The following LSAMP variants were observed in gnomAD, a reference collection of about 807,000 sequenced individuals.
LSAMP encodes limbic system associated membrane protein, also known as limbic system-associated membrane protein.
LSAMP carries 7 observed loss-of-function variants against 38.6 expected under a neutral mutation model. The ratio of observed to expected loss-of-function variants is 0.18; its 90% CI spans 0.10 to 0.34. The LOEUF (loss-of-function observed/expected upper bound fraction) is 0.34, where lower values mean the gene tolerates loss of function less well. LSAMP is among the 10% of genes least tolerant of loss of function. LSAMP has a pLI of 1.00. For synonymous variants in LSAMP, 154 were observed against 166.8 expected (o/e 0.92, Z 0.59); for missense variants, 313 against 420.0 (o/e 0.75, Z 2.23).
intron 1 of LSAMP, among the ~76,000 whole-genome samples, chr3:116,281,640 A>G (rs982042296): frequency 5.3e-5 from 8 of 152,214 alleles, no homozygotes; most frequent in Non-Finnish European, 7.3e-5. Flanking sequence ...TGCTATTACT[A>G]TTATTACTTT....
chr3:115,917,418 T>C (rs112692566), intron 3 of LSAMP, among the ~76,000 whole-genome samples: 1,859 of 152,326 alleles, frequency 0.012, 36 homozygotes, highest in African/African-American at 0.041. Context: ...CTCTCAGTGA[T>C]TTCCTCTTTA....
chr3:115,823,250 G>A (rs1934304149), intron 6 of LSAMP, among the ~76,000 whole-genome samples: 1 of 152,230 alleles, frequency 6.6e-6, no homozygotes, highest in African/African-American at 2.4e-5. Flanking sequence ...TCCCTTGTGA[G>A]TCAATATTTG....
intron 1 of LSAMP, among the ~76,000 whole-genome samples, chr3:116,135,264 A>G (rs1382660883): frequency 2.6e-5 from 4 of 152,232 alleles, no homozygotes; most frequent in African/African-American, 9.6e-5. Flanking sequence ...CCTAGATACC[A>G]ACTAGAAGCA....
rs539568952 is a variant in LSAMP at position 115,858,182 on chromosome 3, C to T, written c.515-5565G>A. Among the ~76,000 whole-genome samples the T allele has an allele frequency of 5.3e-5, 8 of 150,160 alleles. No individual in the cohort carries two copies. The South Asian group carries it at 1.7e-3, about 32-fold the overall frequency. The stretch of plus-strand genomic sequence containing the variant: ...CTCTCTCTCACACACACACACCCCA[C>T]AAAAAGCTAGTTATTTACATATAAG... On this transcript the variant is annotated intron_variant, in intron 3 of 6. Coordinates refer to ENST00000490035, the MANE Select transcript of LSAMP (RefSeq NM_002338.5).
chr3:115,963,942 A>G (rs1441442971), intron 3 of LSAMP, among the ~76,000 whole-genome samples: 13 of 151,914 alleles, frequency 8.6e-5, no homozygotes. Context: ...TTGTAGAGAT[A>G]GAGTCTCCCT....
At chr3:115,817,101 G>C (rs990019475) in intron 6 of LSAMP, among the ~76,000 whole-genome samples, 1 of 152,090 alleles carries the variant, frequency 6.6e-6, no homozygotes, top group African/African-American at 2.4e-5. Flanking sequence ...CTTCACGCTT[G>C]CTTTTCATTT....
chr3:116,286,647 A>G (rs971600042), intron 1 of LSAMP, among the ~76,000 whole-genome samples: 3 of 151,990 alleles, frequency 2.0e-5, no homozygotes, highest in Admixed American at 6.6e-5. Flanking sequence ...CGGCTCATTT[A>G]CCTTGATTAG....
At chr3:115,894,392 C>A (rs1289021415) in intron 3 of LSAMP, among the ~76,000 whole-genome samples, 1 of 151,974 alleles carries the variant, frequency 6.6e-6, no homozygotes, top group Non-Finnish European at 1.5e-5. Flanking sequence ...CATGAACTGG[C>A]CCAAGACCCT....
chr3:116,357,377 A>T (rs1421920759), intron 1 of LSAMP, among the ~76,000 whole-genome samples: 2 of 152,210 alleles, frequency 1.3e-5, no homozygotes, highest in Non-Finnish European at 2.9e-5. Context: ...TTTGAGAAAT[A>T]GGAATCTTTT....
chr3:116,268,970 C>CTGTT (rs1396605581), intron 1 of LSAMP, among the ~76,000 whole-genome samples: 1 of 151,904 alleles, frequency 6.6e-6, no homozygotes, highest in Non-Finnish European at 1.5e-5. Flanking sequence ...CACACTGACC[C>CTGTT]TGTTAGTGAT....
intron 3 of LSAMP, among the ~76,000 whole-genome samples, chr3:115,998,034 C>T (rs904107827): frequency 6.6e-6 from 1 of 150,740 alleles, no homozygotes; most frequent in Non-Finnish European, 1.5e-5. Context: ...TCCTTGGCCT[C>T]AACCCACTAG....
intron 1 of LSAMP, among the ~76,000 whole-genome samples, chr3:116,134,246 C>T (rs997641033): frequency 2.0e-5 from 3 of 152,154 alleles, no homozygotes; most frequent in Non-Finnish European, 4.4e-5. Context: ...AAAATACACC[C>T]CATGCCCATT....
At chr3:116,233,330 G>T (rs772773995) in intron 1 of LSAMP, among the ~76,000 whole-genome samples, 1 of 144,892 alleles carries the variant, frequency 6.9e-6, no homozygotes, top group Non-Finnish European at 1.5e-5. Context: ...GGAGAATGGC[G>T]TGAACCCAGG....
In LSAMP at chr3:116,405,213, C is replaced by A. The variant is rs76146648; in HGVS notation, c.155+39664G>T. 4.9e-3 allele frequency among the ~76,000 whole-genome samples: 746 copies of A among 152,250 alleles called. 7 individuals are homozygous for A. The highest frequency in any genetic ancestry group is 6.4e-3 in the Non-Finnish European group (432 of 68,008). ...GGCTGGAGTAATTTACCACTCTGAA[C>A]AACAGGGCTGTCTGGGTTGCAGTTT... On this transcript the variant is annotated intron_variant, in intron 1 of 6. Transcript: ENST00000490035.
chr3:116,399,857 C>T (rs757357158), intron 1 of LSAMP, among the ~76,000 whole-genome samples: 1 of 152,178 alleles, frequency 6.6e-6, no homozygotes, highest in Non-Finnish European at 1.5e-5. Flanking sequence ...CTTCAGCTCA[C>T]TTATGTAGAA....
chr3:115,852,422 C>A, intron 4 of LSAMP, 61 bp downstream of exon 4: 1 of 1,527,808 alleles, frequency 6.5e-7, no homozygotes, highest in South Asian at 1.3e-5. Flanking sequence ...ATCTTTAGAG[C>A]TCACTGGAGG....
chr3:115,871,205 C>T (rs965668159), intron 3 of LSAMP, among the ~76,000 whole-genome samples: 4 of 152,186 alleles, frequency 2.6e-5, no homozygotes, highest in East Asian at 1.9e-4. Context: ...AATGGCATTG[C>T]ATTCTCATAG....
At chr3:116,062,637 G>A (rs931955307) in intron 2 of LSAMP, among the ~76,000 whole-genome samples, 29 of 152,114 alleles carry the variant, frequency 1.9e-4, no homozygotes, top group African/African-American at 4.8e-5. Context: ...TGCCAGTTAT[G>A]TAACAGTCTT....
intron 1 of LSAMP, among the ~76,000 whole-genome samples, chr3:116,212,464 A>G (rs1175621986): frequency 1.3e-5 from 2 of 152,172 alleles, no homozygotes; most frequent in Non-Finnish European, 2.9e-5. Context: ...CATTCTCCTG[A>G]GGATATTCAC....
Sources: allele counts gnomAD v4.1 joint callset (sites outside exome capture counted in the v4.1 genomes callset), GRCh38; gene constraint gnomAD v4.1.1; transcripts MANE v1.5; gene names NCBI Gene and HGNC (gene_info 2026-07-23, HGNC 2026-07-21).